PHACTR2: variants seen among roughly 807,000 people sequenced by gnomAD.
The protein encoded by PHACTR2 is phosphatase and actin regulator 2, also known as chromosome 6 open reading frame 56.
A neutral mutation model predicts 76.0 loss-of-function variants in PHACTR2; 30 were observed. The observed-to-expected ratio is 0.39, with a 90% CI of 0.30 to 0.54. PHACTR2 has a LOEUF of 0.54. Ranked by LOEUF, PHACTR2 falls within the 20% of genes least tolerant of loss-of-function variation. PHACTR2 has a pLI of 0.61. For synonymous variants in PHACTR2, 292 were observed against 292.5 expected (o/e 1.00, Z 0.02); for missense variants, 696 against 781.1 (o/e 0.89, Z 1.30).
At position 143,648,193 on chromosome 6, in the gene PHACTR2, C is replaced by T. The variant is rs571462430; in HGVS notation, c.13+39871C>T. On this transcript the variant is annotated intron_variant, in intron 1 of 11. Coordinates refer to the PHACTR2 transcript ENST00000305766. This position sits in a 1 kb window ranked among gnomAD's most constrained non-coding sequence, Gnocchi z 6.7. ...ATACAGACAGCATCCTGTTAAGGAC[C>T]GCAGTGTTTTCTGCAACTTCTTCCA... 6.6e-5 allele frequency among the ~76,000 whole-genome samples: 10 copies of T among 152,186 alleles called. No individual in the cohort carries two copies. In the South Asian group the frequency reaches 1.2e-3, roughly 19 times the overall value.
intron 1 of PHACTR2, among the ~76,000 whole-genome samples, chr6:143,544,234 G>C (rs1380472570): frequency 2.4e-5 from 3 of 125,486 alleles, no homozygotes; most frequent in Non-Finnish European, 4.9e-5. Context: ...CATTCCAGGA[G>C]GGAGGGAGGG....
rs1043069610 is a variant in PHACTR2 at position 143,700,703 on chromosome 6, T to C, written c.47-11313T>C. On this transcript the variant is annotated intron_variant, in intron 1 of 12. Transcript: ENST00000440869. This position sits in a 1 kb window ranked among gnomAD's most constrained non-coding sequence, Gnocchi z 4.1. ...CATGAACAGGGTGATCATTATCCTA[T>C]CATGGATGAGTTGAAATTCTTTCAC... Among the ~76,000 whole-genome samples, 3 of 152,256 alleles carry C rather than the reference T, an allele frequency of 2.0e-5. No homozygotes were observed. Among genetic ancestry groups the C allele is most frequent in the African/African-American group, 7.2e-5 (3 of 41,466 alleles).
At chr6:143,813,479 G>A (rs893468832) in intron 12 of PHACTR2, among the ~76,000 whole-genome samples, 2 of 151,986 alleles carry the variant, frequency 1.3e-5, no homozygotes, top group African/African-American at 2.4e-5. Context: ...ATTAGCTGGC[G>A]TGGTGGTGGG....
rs1331175586 is a variant in PHACTR2 at position 143,617,026 on chromosome 6, G to A, written c.13+8704G>A. Among the ~76,000 whole-genome samples the A allele has an allele frequency of 3.3e-5, 5 of 152,218 alleles. No individual in the cohort carries two copies. Among genetic ancestry groups the A allele is most frequent in the East Asian group, 1.9e-4 (1 of 5,196 alleles). ...TTGAGGCTTGGCCTCTGTCCTACCA[G>A]CTTTCAGGAGCCTTTGAAGGGTTTT... On this transcript the variant is annotated intron_variant, in intron 1 of 11. Transcript: ENST00000305766. This position sits in a 1 kb window ranked among gnomAD's most constrained non-coding sequence, Gnocchi z 4.8.
chr6:143,718,861 G>A (rs1441789050), intron 2 of PHACTR2, among the ~76,000 whole-genome samples: 1 of 151,234 alleles, frequency 6.6e-6, no homozygotes, highest in Non-Finnish European at 1.5e-5. Flanking sequence ...CTAAGAAGTT[G>A]GAAAGTTGGA....
At position 143,695,963 on chromosome 6, in the gene PHACTR2, T is replaced by C. The variant is rs150039769; in HGVS notation, c.47-16053T>C. 6.6e-6 allele frequency among the ~76,000 whole-genome samples: 1 copy of C among 152,380 alleles called. No individual in the cohort carries two copies. Among genetic ancestry groups the C allele is most frequent in the Admixed American group, 6.5e-5 (1 of 15,306 alleles). On this transcript the variant is annotated intron_variant, in intron 1 of 12. Coordinates refer to ENST00000440869, the MANE Select transcript of PHACTR2 (RefSeq NM_001100164.2). This position sits in a 1 kb window ranked among gnomAD's most constrained non-coding sequence, Gnocchi z 4.4. The stretch of plus-strand genomic sequence containing the variant: ...CCTAATCAGTTTCACCTTGATTTAC[T>C]AAGCGTTGTATTAATCAAGTAAGCA...
rs1775272145 is a variant in PHACTR2, at chr6:143,561,342, CAGA to C, written c.217+24139_217+24141del. 1 of 152,274 alleles carries C rather than the reference CAGA, an allele frequency of 6.6e-6. No individual in the cohort carries two copies. The highest frequency in any genetic ancestry group is 2.1e-4 in the South Asian group (1 of 4,826). 9.4% of individuals were successfully genotyped at this position (152,274 alleles called of 1,614,324 possible). A position where few individuals can be genotyped will look rare whatever the true frequency, so the allele number is the denominator to read the frequency against. ...CCTTTTTAACTCGGTCTCCAGAGCC[CAGA>C]AGATTAGGTTGTTGCTCAATGTTTG... On this transcript the variant is annotated intron_variant, in intron 1 of 11. Coordinates refer to the PHACTR2 transcript ENST00000367584. This position sits in a 1 kb window ranked among gnomAD's most constrained non-coding sequence, Gnocchi z 4.1.
chr6:143,632,126 A>G (rs1776373134), intron 1 of PHACTR2, among the ~76,000 whole-genome samples: 1 of 152,130 alleles, frequency 6.6e-6, no homozygotes, highest in African/African-American at 2.4e-5. Context: ...GCATTGTTCC[A>G]GAAGTAGAGA....
chr6:143,650,502 G>A (rs1776741802), intron 1 of PHACTR2, among the ~76,000 whole-genome samples: 1 of 152,126 alleles, frequency 6.6e-6, no homozygotes, highest in African/African-American at 2.4e-5. Context: ...CAATGGAACA[G>A]AATAGAGAAG....
In PHACTR2 at chr6:143,696,592, G is replaced by A. The variant is rs1006961402; in HGVS notation, c.47-15424G>A. Among the ~76,000 whole-genome samples the A allele has an allele frequency of 1.3e-5, 2 of 152,180 alleles. No individual in the cohort carries two copies. Among genetic ancestry groups the A allele is most frequent in the Non-Finnish European group, 1.5e-5 (1 of 68,022 alleles). ...TTACAGACCTAAGGTTACCAGCTAG[G>A]ATGGGGAGGAACAGATTATTACATT... On this transcript the variant is annotated intron_variant, in intron 1 of 12. Transcript: ENST00000440869. The surrounding 1 kb of genome is among the most constrained non-coding windows in gnomAD (Gnocchi z 4.1).
intron 2 of PHACTR2, among the ~76,000 whole-genome samples, chr6:143,714,002 T>G (rs150779565): frequency 6.6e-6 from 1 of 152,226 alleles, no homozygotes; most frequent in African/African-American, 2.4e-5. Flanking sequence ...AACTGATATA[T>G]TCAGTTGGTG....
chr6:143,797,682 G>A (rs1205529655), intron 11 of PHACTR2, among the ~76,000 whole-genome samples: 3 of 152,144 alleles, frequency 2.0e-5, no homozygotes, highest in South Asian at 2.1e-4. Flanking sequence ...CTTCCCCATC[G>A]CTTGTATGTG....
rs563520101 is a variant in PHACTR2, at chr6:143,680,734, T to A, written c.46+2525T>A. 1.3e-5 allele frequency among the ~76,000 whole-genome samples: 2 copies of A among 152,324 alleles called. No homozygotes were observed. Among genetic ancestry groups the A allele is most frequent in the East Asian group, 3.9e-4 (2 of 5,194 alleles). ...GTTTTTCAGTGTGTTCACAGTGTTG[T>A]GTGACCCTCAATCTCTGTTCCCACC... On this transcript the variant is annotated intron_variant, in intron 1 of 12. Transcript: ENST00000440869. The surrounding 1 kb of genome is among the most constrained non-coding windows in gnomAD (Gnocchi z 4.5).
intron 1 of PHACTR2, among the ~76,000 whole-genome samples, chr6:143,545,930 T>C (rs971201784): frequency 7.9e-5 from 12 of 152,180 alleles, no homozygotes; most frequent in Admixed American, 5.9e-4. Flanking sequence ...CGTGATGGAG[T>C]GTTCTGCCGT....
chr6:143,686,131 C>CA (rs555725210), intron 1 of PHACTR2, among the ~76,000 whole-genome samples: 30,344 of 104,846 alleles, frequency 0.29, 3,579 homozygotes, highest in East Asian at 0.41. Context: ...GATTCTGTCT[C>CA]AAAAAAAAAA....
In PHACTR2 at chr6:143,755,464, C is replaced by G; in HGVS notation, c.454+1552C>G. ...ACATCAAAGGAAGTGTTTCCCTTAT[C>G]AACATAATAAAAAGTTCCTGACAGT... On this transcript the variant is annotated intron_variant, in intron 4 of 12. Transcript: ENST00000440869. The surrounding 1 kb of genome is among the most constrained non-coding windows in gnomAD (Gnocchi z 5.2). 2.5e-6 allele frequency: 1 copy of G among 407,238 alleles called. No individual in the cohort carries two copies. The highest frequency in any genetic ancestry group is 1.7e-5 in the South Asian group (1 of 57,314). The allele number at this position is 407,238 out of a possible 1,614,324, so 25.2% of individuals were successfully genotyped here.
At chr6:143,607,154 A>T (rs1039655231), upstream of PHACTR2, among the ~76,000 whole-genome samples, 2 of 148,872 alleles carry the variant, frequency 1.3e-5, no homozygotes, top group Non-Finnish European at 3.0e-5. Flanking sequence ...CTCTGGGGAT[A>T]TAACACTATG....
intron 1 of PHACTR2, among the ~76,000 whole-genome samples, chr6:143,706,549 G>A (rs1296947529): frequency 2.6e-5 from 4 of 152,074 alleles, no homozygotes; most frequent in Admixed American, 6.5e-5. Flanking sequence ...TGAGAAACCT[G>A]GCTTCCACCA....
chr6:143,778,625 G>C (rs1388576830), intron 9 of PHACTR2, among the ~76,000 whole-genome samples: 1 of 152,112 alleles, frequency 6.6e-6, no homozygotes, highest in Non-Finnish European at 1.5e-5. Context: ...AGTAGAAGCA[G>C]CATCTCATTT....
Sources: gnomAD v4.1 joint callset for allele counts (sites outside exome capture counted in the v4.1 genomes callset) on GRCh38, gnomAD v4.1.1 for gene constraint, Gnocchi (gnomAD v3.1) non-coding constraint, MANE v1.5 for transcripts, NCBI Gene and HGNC (gene_info 2026-07-23, HGNC 2026-07-21) for gene names.